Variants in CACNG2 observed in about 807,000 individuals in gnomAD.
CACNG2 encodes voltage-dependent calcium channel gamma-2 subunit.
Under a neutral mutation model 25.9 loss-of-function variants are expected in CACNG2, and 3 were observed. That is an observed-to-expected ratio of 0.12 (90% CI 0.05 to 0.30). The LOEUF is 0.30. CACNG2 is among the 10% of genes least tolerant of loss of function. The probability of loss-of-function intolerance (pLI) is 1.00; values close to 1 mark genes in which losing one functional copy is unlikely to be tolerated. For synonymous variants in CACNG2, 167 were observed against 173.3 expected, an observed-to-expected ratio of 0.96 and a Z score of 0.29; for missense variants, 341 against 432.5, an observed-to-expected ratio of 0.79 and a Z score of 1.88.
chr22:36,637,610 A>G (rs912707942), intron 1 of CACNG2, among the ~76,000 whole-genome samples: 19 of 152,172 alleles, frequency 1.2e-4, no homozygotes, highest in Admixed American at 1.1e-3. Flanking sequence ...TTCAATGACA[A>G]TCGTCCTGGG....
intron 1 of CACNG2, among the ~76,000 whole-genome samples, chr22:36,616,573 C>T (rs375551378): frequency 3.9e-5 from 6 of 152,054 alleles, no homozygotes; most frequent in African/African-American, 1.2e-4. Flanking sequence ...GACTGTTTTC[C>T]TTTTTCATTG....
chr22:36,629,362 A>G (rs1416197758), intron 1 of CACNG2, among the ~76,000 whole-genome samples: 1 of 152,120 alleles, frequency 6.6e-6, no homozygotes, highest in African/African-American at 2.4e-5. Context: ...TGCAGAGTGG[A>G]AGGATGTAGC....
In CACNG2 at chr22:36,630,834, ATTTG is replaced by A. The variant is rs367998832; in HGVS notation, c.212-43290_212-43287del. Among the ~76,000 whole-genome samples, 8 of 151,960 alleles carry A rather than the reference ATTTG, an allele frequency of 5.3e-5. No individual in the cohort carries two copies. In the South Asian group the frequency reaches 1.3e-3, roughly 24 times the overall value. On this transcript the variant is annotated intron_variant, in intron 1 of 3. Transcript: ENST00000300105. ...AGAGATGTGGACAGATTCTTGAGCT[ATTTG>A]TTTATTTATTGAGACAGAGTCTTGC...
At chr22:36,609,593 A>G (rs1603501556) in intron 1 of CACNG2, among the ~76,000 whole-genome samples, 3 of 126,778 alleles carry the variant, frequency 2.4e-5, no homozygotes, top group East Asian at 2.6e-4. Context: ...ATCGGGCAGG[A>G]ATCAGCCCCC....
At chr22:36,648,721 C>T (rs1189679176) in intron 1 of CACNG2, among the ~76,000 whole-genome samples, 1 of 152,188 alleles carries the variant, frequency 6.6e-6, no homozygotes, top group Non-Finnish European at 1.5e-5. Context: ...CAGTAAACGG[C>T]CCTGCCATAA....
chr22:36,564,211 G>GT lies in CACNG2; in HGVS notation c.*139dup. 2.9e-6 allele frequency: 2 copies of GT among 684,020 alleles called. No homozygotes were observed. Among genetic ancestry groups the GT allele is most frequent in the Admixed American group, 3.6e-5 (1 of 27,530 alleles). The allele number at this position is 684,020 out of a possible 1,614,324, so 42.4% of individuals were successfully genotyped here. A position where few individuals can be genotyped will look rare whatever the true frequency, so the allele number is the denominator to read the frequency against. On this transcript the variant is annotated 3_prime_UTR_variant, in exon 4 of 4. Transcript: ENST00000300105. The surrounding 1 kb of genome is among the most constrained non-coding windows in gnomAD (Gnocchi z 6.7). ...TTTTTTTGTGTGTGTGTGTTTTTTT[G>GT]TTTTTTGTTTTTTTGTTTTTTTTGT...
At position 36,561,027 on chromosome 22, in the gene CACNG2, G is replaced by A. The variant is rs1260735433; in HGVS notation, c.*3324C>T. The A allele has an allele frequency of 1.3e-5, 2 of 150,428 alleles. No homozygotes were observed. Among genetic ancestry groups the A allele is most frequent in the Non-Finnish European group, 1.5e-5 (1 of 67,948 alleles). 9.3% of individuals were successfully genotyped at this position (150,428 alleles called of 1,614,324 possible). On this transcript the variant is annotated 3_prime_UTR_variant, in exon 4 of 4. Transcript: ENST00000300105. Reference sequence around the variant, plus strand: ...TCTTGAACTGGTCTGAGCTGGACATGAGCAATCATCCACACCCCTGGGCAG... The same window carrying A: ...TCTTGAACTGGTCTGAGCTGGACATAAGCAATCATCCACACCCCTGGGCAG...
chr22:36,571,446 G>A (rs1463034419), intron 2 of CACNG2, among the ~76,000 whole-genome samples: 1 of 151,674 alleles, frequency 6.6e-6, no homozygotes, highest in Non-Finnish European at 1.5e-5. Flanking sequence ...GACGGAGCGA[G>A]GTTCCATCTC....
chr22:36,698,797 T>C (rs566049815), intron 1 of CACNG2, among the ~76,000 whole-genome samples: 1 of 152,292 alleles, frequency 6.6e-6, no homozygotes, highest in South Asian at 2.1e-4. Flanking sequence ...CGGAGTCTGC[T>C]TCCTCTACAG....
chr22:36,690,362 T>TC (rs954665661), intron 1 of CACNG2, among the ~76,000 whole-genome samples: 1 of 77,814 alleles, frequency 1.3e-5, no homozygotes, highest in African/African-American at 4.1e-5. Flanking sequence ...ATCTTTTTTT[T>TC]TCCCCCCAAG....
intron 1 of CACNG2, among the ~76,000 whole-genome samples, chr22:36,682,669 C>A (rs1310107240): frequency 6.6e-6 from 1 of 152,096 alleles, no homozygotes; most frequent in African/African-American, 2.4e-5. Context: ...TATTTGGGAT[C>A]ATTATTAAAT....
At chr22:36,620,768 T>C (rs1028086431) in intron 1 of CACNG2, among the ~76,000 whole-genome samples, 17 of 152,246 alleles carry the variant, frequency 1.1e-4, no homozygotes, top group Non-Finnish European at 1.5e-5. Flanking sequence ...CCAGAGCCAA[T>C]GAGAGTCACA....
At chr22:36,586,567 G>A (rs1935505382) in intron 2 of CACNG2, among the ~76,000 whole-genome samples, 1 of 152,212 alleles carries the variant, frequency 6.6e-6, no homozygotes, top group African/African-American at 2.4e-5. Context: ...AGAGACAGGG[G>A]CAATCTATAT....
At chr22:36,646,272 T>A (rs1265654785) in intron 1 of CACNG2, among the ~76,000 whole-genome samples, 1 of 152,194 alleles carries the variant, frequency 6.6e-6, no homozygotes, top group East Asian at 1.9e-4. Context: ...TTAATGTTTC[T>A]CTTTCCTAAC....
At chr22:36,661,013 T>C (rs928613074) in intron 1 of CACNG2, among the ~76,000 whole-genome samples, 10 of 152,350 alleles carry the variant, frequency 6.6e-5, no homozygotes, top group Non-Finnish European at 1.3e-4. Flanking sequence ...CTGGCTGTGA[T>C]GCCAATGACC....
intron 1 of CACNG2, among the ~76,000 whole-genome samples, chr22:36,588,184 G>T (rs1224894228): frequency 6.6e-6 from 1 of 152,162 alleles, no homozygotes; most frequent in Non-Finnish European, 1.5e-5. Flanking sequence ...CTGTGAGGGG[G>T]GTATTATCAT....
intron 1 of CACNG2, among the ~76,000 whole-genome samples, chr22:36,667,649 G>A (rs1936893067): frequency 6.6e-6 from 1 of 152,198 alleles, no homozygotes; most frequent in Admixed American, 6.5e-5. Flanking sequence ...AGGCCGTTTG[G>A]TTTATTTCCC....
intron 1 of CACNG2, among the ~76,000 whole-genome samples, chr22:36,694,087 G>A (rs1937301171): frequency 6.6e-6 from 1 of 152,206 alleles, no homozygotes; most frequent in Non-Finnish European, 1.5e-5. Context: ...TGCTTCCTGA[G>A]TCACGGGGCA....
At chr22:36,666,576 T>C (rs181631833) in intron 1 of CACNG2, among the ~76,000 whole-genome samples, 110 of 152,070 alleles carry the variant, frequency 7.2e-4, no homozygotes, top group African/African-American at 2.5e-3. Flanking sequence ...TTTTACAAGA[T>C]GAAAAGAGTT....
Sources: gnomAD v4.1 joint callset for allele counts (sites outside exome capture counted in the v4.1 genomes callset) on GRCh38, gnomAD v4.1.1 for gene constraint, Gnocchi (gnomAD v3.1) non-coding constraint, MANE v1.5 for transcripts, NCBI Gene and HGNC (gene_info 2026-07-23, HGNC 2026-07-21) for gene names.